The following ARFGEF1 variants were observed in gnomAD, a reference collection of about 807,000 sequenced individuals.
ARFGEF1 encodes brefeldin A-inhibited guanine nucleotide-exchange protein 1.
ARFGEF1 carries 42 observed loss-of-function variants against 231.0 expected under a neutral mutation model. The observed-to-expected ratio is 0.18, with a 90% CI of 0.14 to 0.24. ARFGEF1 has a LOEUF of 0.24. ARFGEF1 is among the 10% of genes least tolerant of loss of function. The pLI, the probability that ARFGEF1 is intolerant of heterozygous loss-of-function variation, is 1.00. For synonymous variants in ARFGEF1, 710 were observed against 732.3 expected, an observed-to-expected ratio of 0.97 and a Z score of 0.49; for missense variants, 1,345 against 2,192.0, an observed-to-expected ratio of 0.61 and a Z score of 7.72.
At chr8:67,213,576 C>T (rs1219897919) in intron 33 of ARFGEF1, among the ~76,000 whole-genome samples, 1 of 152,130 alleles carries the variant, frequency 6.6e-6, no homozygotes, top group African/African-American at 2.4e-5. Context: ...TGTACTTAAG[C>T]CAGATACTTA....
At chr8:67,200,079 G>A (rs1366560789) in intron 38 of ARFGEF1, 2 of 374,148 alleles carry the variant, frequency 5.3e-6, no homozygotes, top group African/African-American at 4.2e-5. Flanking sequence ...TTGGACAGCA[G>A]TTTTCAAAAT....
At chr8:67,210,987 A>G (rs1437298467) in intron 34 of ARFGEF1, among the ~76,000 whole-genome samples, 1 of 148,822 alleles carries the variant, frequency 6.7e-6, no homozygotes, top group East Asian at 2.0e-4. Flanking sequence ...TGGGAGGTGG[A>G]GGTTGCAGTG....
At chr8:67,311,598 G>A (rs563831749) in intron 1 of ARFGEF1, among the ~76,000 whole-genome samples, 5 of 143,976 alleles carry the variant, frequency 3.5e-5, no homozygotes, top group Non-Finnish European at 6.1e-5. Context: ...CAGCCGCCTC[G>A]TCCGGGAGGG....
intron 30 of ARFGEF1, among the ~76,000 whole-genome samples, chr8:67,218,749 T>C (rs924575515): frequency 2.0e-5 from 3 of 152,164 alleles, no homozygotes; most frequent in Non-Finnish European, 4.4e-5. Flanking sequence ...AAAATGTATA[T>C]TGTAACTGGT....
chr8:67,239,940 T>C, intron 20 of ARFGEF1, among the ~76,000 whole-genome samples: 1 of 152,116 alleles, frequency 6.6e-6, no homozygotes, highest in Non-Finnish European at 1.5e-5. Flanking sequence ...GAAAAAAAAC[T>C]GTAACCAAAG....
chr8:67,202,476 T>C (rs113884169), intron 36 of ARFGEF1, among the ~76,000 whole-genome samples: 7,197 of 152,036 alleles, frequency 0.047, 377 homozygotes, highest in African/African-American at 0.12. Context: ...CCAGGGTGGT[T>C]TCGAACTTCT....
Position 67,343,236 on chromosome 8 carries a change from T to C in ARFGEF1, c.52A>G (p.Lys18Glu). The change falls in exon 1 of 39, where the codon AAG becomes GAG. Residue 18 changes from lysine (K) to glutamate (E), a missense_variant. Around this residue, in one of 14 missense-constraint regions of ARFGEF1, gnomAD observed 398 missense variants for 463.2 expected, o/e 0.86. Transcript: ENST00000262215. ...TTCACTTCCTTGTCGGCCAATATCT[T>C]CTCCAGAGCCCGGGTCAGGAACATG... ...KNMFLTRALEKILADKEVKKA... is the reference protein window; with the variant it reads ...KNMFLTRALEEILADKEVKKA... 6.2e-7 allele frequency: 1 copy of C among 1,613,770 alleles called. No homozygotes were observed. Among genetic ancestry groups the C allele is most frequent in the Non-Finnish European group, 8.5e-7 (1 of 1,179,822 alleles).
chr8:67,207,519 A>C (rs2129577592), intron 34 of ARFGEF1, among the ~76,000 whole-genome samples: 1 of 152,330 alleles, frequency 6.6e-6, no homozygotes, highest in East Asian at 1.9e-4. Context: ...TATTTGGACA[A>C]ATTTCAGTCA....
At chr8:67,333,331 C>G (rs1587340844) in intron 1 of ARFGEF1, among the ~76,000 whole-genome samples, 1 of 133,924 alleles carries the variant, frequency 7.5e-6, no homozygotes, top group African/African-American at 2.9e-5. Context: ...CCATGCCTGG[C>G]CTTTTTTTTT....
Position 67,240,147 on chromosome 8 carries a change from A to G in ARFGEF1, c.2979+15T>C, listed in dbSNP as rs377727725. 585 of 1,606,086 alleles carry G rather than the reference A, an allele frequency of 3.6e-4. No individual in the cohort carries two copies. Among genetic ancestry groups the G allele is most frequent in the Non-Finnish European group, 4.8e-4 (560 of 1,178,148 alleles). On this transcript the variant is annotated intron_variant, in intron 20 of 38. Transcript: ENST00000262215. Reference sequence around the variant, plus strand: ...AATGTTCCAAACTGGCTACAAAGACAAAATTCTCTGTTACCTGAATGCTGA... The same window carrying G: ...AATGTTCCAAACTGGCTACAAAGACGAAATTCTCTGTTACCTGAATGCTGA...
At chr8:67,227,874 G>T in intron 25 of ARFGEF1, 89 bp downstream of exon 25, 1 of 1,119,022 alleles carries the variant, frequency 8.9e-7, no homozygotes. Flanking sequence ...TAATTGCTTG[G>T]AAGGGAAAAA....
rs192861866 is a variant in ARFGEF1 at position 67,244,414 on chromosome 8, T to A, written c.2851-4124A>T. On this transcript the variant is annotated intron_variant, in intron 19 of 38. Transcript: ENST00000262215. ...ACCTCCACCTCCCAGGCTCAAGCAATCCTCCCACCTCAGCTTTCCTAGTAG... is the reference window on the plus strand; with the variant it reads ...ACCTCCACCTCCCAGGCTCAAGCAAACCTCCCACCTCAGCTTTCCTAGTAG... 2.9e-5 allele frequency among the ~76,000 whole-genome samples: 4 copies of A among 139,228 alleles called. No individual in the cohort carries two copies. The East Asian group carries it at 9.1e-4, about 32-fold the overall frequency. The allele number at this position is 139,228 out of a possible 152,430, so 91.3% of individuals were successfully genotyped here. A position where few individuals can be genotyped will look rare whatever the true frequency, so the allele number is the denominator to read the frequency against.
chr8:67,284,314 G>A (rs886727005), intron 7 of ARFGEF1, among the ~76,000 whole-genome samples: 3 of 151,982 alleles, frequency 2.0e-5, no homozygotes, highest in East Asian at 1.9e-4. Context: ...AGACATGTAC[G>A]CACAACCCCC....
At chr8:67,286,932 T>C (rs1805785209) in intron 7 of ARFGEF1, among the ~76,000 whole-genome samples, 1 of 152,166 alleles carries the variant, frequency 6.6e-6, no homozygotes, top group Non-Finnish European at 1.5e-5. Context: ...CAAAAGTAAA[T>C]AAGTGCCTTT....
chr8:67,271,623 T>A (rs1049663955), intron 10 of ARFGEF1, 79 bp downstream of exon 10: 1 of 1,015,328 alleles, frequency 9.8e-7, no homozygotes, highest in Non-Finnish European at 1.5e-6. Context: ...TGGAGAACTT[T>A]GCAGTGTATT....
In ARFGEF1 at chr8:67,292,113, G is replaced by A. The variant is rs1806035031; in HGVS notation, c.650C>T (p.Ala217Val). The change falls in exon 6 of 39, where the codon GCA (alanine) becomes GTA (valine). Residue 217 changes from alanine to valine, a missense_variant. Coordinates refer to ENST00000262215, the MANE Select transcript of ARFGEF1 (RefSeq NM_006421.5). ...ATGCCTTTCTTTTTCCATTTGTTTT[G>A]CTTCCTGTAACTGGAAATAAATAAA... Reference protein sequence around the residue: ...ARMENQALQEAKQMEKERHRQ... With the variant: ...ARMENQALQEVKQMEKERHRQ... 1 of 1,611,080 alleles carries A rather than the reference G, an allele frequency of 6.2e-7. No individual in the cohort carries two copies. The highest frequency in any genetic ancestry group is 8.5e-7 in the Non-Finnish European group (1 of 1,178,836).
intron 15 of ARFGEF1, 151 bp from the exon 16 acceptor site, chr8:67,258,441 C>G (rs960063997): frequency 1.7e-6 from 1 of 581,358 alleles, no homozygotes; most frequent in African/African-American, 1.9e-5. Flanking sequence ...TCTCCTGCCT[C>G]GGCCTCCCGA....
At chr8:67,273,881 T>G (rs2128897931) in intron 9 of ARFGEF1, among the ~76,000 whole-genome samples, 1 of 152,286 alleles carries the variant, frequency 6.6e-6, no homozygotes, top group East Asian at 1.9e-4. Flanking sequence ...CTATTCTAGC[T>G]CACATTTATC....
intron 22 of ARFGEF1, among the ~76,000 whole-genome samples, chr8:67,236,038 T>TA (rs955621339): frequency 2.0e-5 from 3 of 151,866 alleles, no homozygotes; most frequent in African/African-American, 4.8e-5. Context: ...CTCACACCTG[T>TA]AATCCCAGCA....
Sources: gnomAD v4.1 joint callset for allele counts (sites outside exome capture counted in the v4.1 genomes callset) on GRCh38, gnomAD v4.1.1 for gene constraint, gnomAD v4.1.1 regional missense constraint, MANE v1.5 for transcripts, NCBI Gene and HGNC (gene_info 2026-07-23, HGNC 2026-07-21) for gene names.